The following YPEL2 variants were observed in gnomAD, a reference collection of about 807,000 sequenced individuals.
YPEL2 encodes yippee like 2.
YPEL2 carries 2 observed loss-of-function variants against 19.1 expected under a neutral mutation model. The ratio of observed to expected loss-of-function variants is 0.10; its 90% confidence interval spans 0.04 to 0.33. YPEL2 has a LOEUF of 0.33. YPEL2 is among the 10% of genes least tolerant of loss of function. YPEL2 has a pLI of 1.00. For missense variants in YPEL2, 66 were observed against 140.7 expected (o/e 0.47, Z 2.68); for synonymous variants, 52 against 50.0 (o/e 1.04, Z -0.17).
intron 2 of YPEL2, among the ~76,000 whole-genome samples, chr17:59,368,151 A>C (rs2047879748): frequency 6.6e-6 from 1 of 152,064 alleles, no homozygotes; most frequent in South Asian, 2.1e-4. Context: ...AGGCATGATC[A>C]CAACTCACTG....
At chr17:59,385,979 G>A (rs978057699) in intron 2 of YPEL2, among the ~76,000 whole-genome samples, 2 of 152,134 alleles carry the variant, frequency 1.3e-5, no homozygotes, top group Non-Finnish European at 2.9e-5. Flanking sequence ...TCTACTGAGG[G>A]AGTGAGATAA....
intron 2 of YPEL2, among the ~76,000 whole-genome samples, chr17:59,377,377 A>G (rs2047927438): frequency 6.6e-6 from 1 of 152,236 alleles, no homozygotes; most frequent in Non-Finnish European, 1.5e-5. Flanking sequence ...CAGAGGGCCC[A>G]GCTCTTAATG....
intron 1 of YPEL2, among the ~76,000 whole-genome samples, chr17:59,339,582 G>A (rs1476303765): frequency 6.6e-6 from 1 of 152,152 alleles, no homozygotes; most frequent in East Asian, 1.9e-4. Flanking sequence ...ATTATGTTGA[G>A]TTGACTTAGA....
chr17:59,390,905 A>G (rs564085886), intron 4 of YPEL2, among the ~76,000 whole-genome samples: 62 of 152,354 alleles, frequency 4.1e-4, no homozygotes, highest in Non-Finnish European at 7.2e-4. Flanking sequence ...AAGTTTCCTC[A>G]TACTTACAGA....
Position 59,350,088 on chromosome 17 carries a change from C to CT in YPEL2, c.-195-3118dup, listed in dbSNP as rs542716696. Among the ~76,000 whole-genome samples the CT allele has an allele frequency of 3.9e-3, 592 of 150,772 alleles. 4 individuals carry two copies. In the Middle Eastern group the frequency reaches 0.051, roughly 13 times the overall value. ...CCGCTTTTTCTTCCCTTTTTCTTTT[C>CT]TTTTTTTTTAATGCTCTGTCACCCA... On this transcript the variant is annotated intron_variant, in intron 1 of 4. Coordinates refer to ENST00000312655, the MANE Select transcript of YPEL2 (RefSeq NM_001005404.4).
chr17:59,389,700 A>G (rs193111308), intron 4 of YPEL2, among the ~76,000 whole-genome samples: 6 of 151,988 alleles, frequency 3.9e-5, no homozygotes, highest in Admixed American at 2.0e-4. Context: ...TTAATAAATA[A>G]TAATAGTAAT....
chr17:59,351,489 C>T (rs117063941), intron 1 of YPEL2, among the ~76,000 whole-genome samples: 2 of 152,284 alleles, frequency 1.3e-5, no homozygotes, highest in Non-Finnish European at 2.9e-5. Flanking sequence ...CATTGGTCTT[C>T]TGTGGGCTGT....
chr17:59,387,136 T>A (rs2047984200), intron 2 of YPEL2, among the ~76,000 whole-genome samples: 1 of 151,586 alleles, frequency 6.6e-6, no homozygotes, highest in Admixed American at 6.6e-5. Context: ...GGTGCACACC[T>A]GTGGTCCCAG....
intron 2 of YPEL2, among the ~76,000 whole-genome samples, chr17:59,369,164 G>T (rs1179667793): frequency 6.6e-6 from 1 of 152,198 alleles, no homozygotes; most frequent in African/African-American, 2.4e-5. Flanking sequence ...CCCTGTTGAT[G>T]AGTTTTTCTC....
chr17:59,333,291 A>G (rs1355588542), intron 1 of YPEL2, among the ~76,000 whole-genome samples: 2 of 152,214 alleles, frequency 1.3e-5, no homozygotes, highest in African/African-American at 4.8e-5. Context: ...GCTCCATGAT[A>G]GGATCTCAGG....
Position 59,399,005 on chromosome 17 carries a change from T to C in YPEL2, c.*1815T>C, listed in dbSNP as rs550596774. ...GACGTGTGGGCTTAGAAATCAACTTTTGTTCCCCAAGGCTTCTTGTCCAGA... is the reference window on the plus strand; with the variant it reads ...GACGTGTGGGCTTAGAAATCAACTTCTGTTCCCCAAGGCTTCTTGTCCAGA... On this transcript the variant is annotated 3_prime_UTR_variant, in exon 5 of 5. Transcript: ENST00000312655. 9.2e-5 allele frequency: 14 copies of C among 152,370 alleles called. No homozygotes were observed. Among genetic ancestry groups the C allele is most frequent in the African/African-American group, 3.4e-4 (14 of 41,554 alleles). The allele number at this position is 152,370 out of a possible 1,614,324, so 9.4% of individuals were successfully genotyped here.
chr17:59,379,856 T>TTTTGTTTTGTTTTGTTTTGTTTTGTTTTG (rs1555571548), intron 2 of YPEL2, among the ~76,000 whole-genome samples: 1 of 149,220 alleles, frequency 6.7e-6, no homozygotes, highest in Non-Finnish European at 1.5e-5. Flanking sequence ...AAGTTTGGGG[T>TTTTGTTTTGTTTTGTTTTGTTTTGTTTTG]TTTTGTTTTG....
intron 4 of YPEL2, among the ~76,000 whole-genome samples, chr17:59,393,789 G>C (rs1414491281): frequency 1.3e-5 from 2 of 150,094 alleles, no homozygotes; most frequent in Non-Finnish European, 3.0e-5. Flanking sequence ...ATTTAACCCT[G>C]AGTGGACACA....
chr17:59,393,312 T>C (rs1189650225), intron 4 of YPEL2, among the ~76,000 whole-genome samples: 3 of 150,600 alleles, frequency 2.0e-5, no homozygotes, highest in Non-Finnish European at 4.4e-5. Context: ...ATTTTTTTTT[T>C]TTTTTGTAGA....
intron 2 of YPEL2, among the ~76,000 whole-genome samples, chr17:59,364,068 G>A (rs2047855452): frequency 1.3e-5 from 2 of 152,060 alleles, no homozygotes; most frequent in African/African-American, 4.8e-5. Context: ...ACTGTCTTGT[G>A]GTATGGTCTG....
chr17:59,363,640 A>C (rs750110619), intron 2 of YPEL2, among the ~76,000 whole-genome samples: 1 of 152,062 alleles, frequency 6.6e-6, no homozygotes, highest in African/African-American at 2.4e-5. Flanking sequence ...TTGAGCACCT[A>C]CTGTGTGCCA....
At chr17:59,343,473 T>G (rs889913841) in intron 1 of YPEL2, among the ~76,000 whole-genome samples, 1 of 151,956 alleles carries the variant, frequency 6.6e-6, no homozygotes, top group Non-Finnish European at 1.5e-5. Flanking sequence ...AGAGAAAAAT[T>G]AAGTTTTTTG....
intron 2 of YPEL2, among the ~76,000 whole-genome samples, chr17:59,387,302 C>A (rs1392326570): frequency 6.6e-6 from 1 of 150,702 alleles, no homozygotes; most frequent in Non-Finnish European, 1.5e-5. Context: ...TTCACACTGG[C>A]TGGCAGCACT....
chr17:59,385,857 G>A (rs377144691), intron 2 of YPEL2, among the ~76,000 whole-genome samples: 3 of 152,208 alleles, frequency 2.0e-5, no homozygotes, highest in East Asian at 1.9e-4. Flanking sequence ...AGACAATTTA[G>A]TTGACTCAGA....
Sources: gnomAD v4.1 joint callset for allele counts (sites outside exome capture counted in the v4.1 genomes callset) on GRCh38, gnomAD v4.1.1 for gene constraint, MANE v1.5 for transcripts, NCBI Gene and HGNC (gene_info 2026-07-23, HGNC 2026-07-21) for gene names.